The following BRIP1 variants were observed in gnomAD, a reference collection of about 807,000 sequenced individuals.
BRIP1 encodes the protein BRCA1 interacting DNA helicase 1.
BRIP1 carries 88 observed loss-of-function variants against 119.7 expected under a neutral mutation model. The observed-to-expected ratio is 0.74, with a 90% CI of 0.62 to 0.88. The LOEUF is 0.88. BRIP1 is among the 40% of genes least tolerant of loss of function. The pLI is 0.00. For synonymous variants in BRIP1, 443 were observed against 496.5 expected (o/e 0.89, Z 1.43); for missense variants, 1,259 against 1,455.4 (o/e 0.87, Z 2.20).
At position 61,855,336 on chromosome 17, in the gene BRIP1, G is replaced by C. The variant is rs80156789; in HGVS notation, c.379+1722C>G. Among the ~76,000 whole-genome samples the C allele has an allele frequency of 0.049, 7,447 of 152,216 alleles. 835 individuals are homozygous for C. In the East Asian group the frequency reaches 0.52, roughly 11 times the overall value. ...CTCACGCCTATAATCCCAGGACTCTGGGAGGCCGAGGCAGGTGAGTAACTT... is the reference window on the plus strand; with the variant it reads ...CTCACGCCTATAATCCCAGGACTCTCGGAGGCCGAGGCAGGTGAGTAACTT... On this transcript the variant is annotated intron_variant, in intron 4 of 19. Coordinates refer to ENST00000259008, the MANE Select transcript of BRIP1 (RefSeq NM_032043.3).
chr17:61,717,961 G>C lies in BRIP1; in HGVS notation c.2380-1898C>G, dbSNP rs888464400. ...TCCAGTGTATTTTTTGTTTCATATA[G>C]AGAGATTTCACATAGGTATTTAAAA... On this transcript the variant is annotated intron_variant, in intron 16 of 19. Transcript: ENST00000259008. The surrounding 1 kb of genome is among the most constrained non-coding windows in gnomAD (Gnocchi z 4.1). 6.6e-6 allele frequency among the ~76,000 whole-genome samples: 1 copy of C among 151,852 alleles called. No homozygotes were observed. Among genetic ancestry groups the C allele is most frequent in the Non-Finnish European group, 1.5e-5 (1 of 67,984 alleles).
chr17:61,786,723 T>G (rs2077713691), intron 10 of BRIP1, among the ~76,000 whole-genome samples: 1 of 141,006 alleles, frequency 7.1e-6, no homozygotes, highest in African/African-American at 2.6e-5. Flanking sequence ...TTTACCTTTT[T>G]AAAGTGAGTT....
rs2077197775 is a variant in BRIP1, at chr17:61,756,164, C to T, written c.2098-11573G>A. ...TCAGATAACAAAATATTTAGGTCTACAGCTTTTATATTCTCATTGCAGGTG... is the reference window on the plus strand; with the variant it reads ...TCAGATAACAAAATATTTAGGTCTATAGCTTTTATATTCTCATTGCAGGTG... On this transcript the variant is annotated intron_variant, in intron 14 of 19. Coordinates refer to ENST00000259008, the MANE Select transcript of BRIP1 (RefSeq NM_032043.3). The surrounding 1 kb of genome is among the most constrained non-coding windows in gnomAD (Gnocchi z 4.3). Among the ~76,000 whole-genome samples, 1 of 152,162 alleles carries T rather than the reference C, an allele frequency of 6.6e-6. No individual in the cohort carries two copies. The highest frequency in any genetic ancestry group is 1.5e-5 in the Non-Finnish European group (1 of 68,016).
intron 16 of BRIP1, among the ~76,000 whole-genome samples, chr17:61,737,019 G>A (rs2076927412): frequency 6.6e-6 from 1 of 151,988 alleles, no homozygotes; most frequent in Admixed American, 6.6e-5. Context: ...TATAAAAAGG[G>A]AGGAACAGAG....
In BRIP1 at chr17:61,767,099, C is replaced by G. The variant is rs1051677089; in HGVS notation, c.2097+9302G>C. Among the ~76,000 whole-genome samples the G allele has an allele frequency of 4.3e-4, 66 of 152,256 alleles. No homozygotes were observed. Among genetic ancestry groups the G allele is most frequent in the African/African-American group, 1.6e-3 (66 of 41,552 alleles). On this transcript the variant is annotated intron_variant, in intron 14 of 19. Coordinates refer to ENST00000259008, the MANE Select transcript of BRIP1 (RefSeq NM_032043.3). This position sits in a 1 kb window ranked among gnomAD's most constrained non-coding sequence, Gnocchi z 5.7. ...AAAAACTAGATGAACAACGTTCTCA[C>G]TCTTACCCTTAAACAAATGCTGCAG... is the stretch of plus-strand genomic sequence containing the variant.
chr17:61,785,388 A>C (rs982541117), intron 10 of BRIP1, among the ~76,000 whole-genome samples: 1 of 152,236 alleles, frequency 6.6e-6, no homozygotes, highest in Non-Finnish European at 1.5e-5. Context: ...ACATTGTAAA[A>C]GAGAAAATTC....
At chr17:61,712,350 A>T (rs1011550747) in intron 17 of BRIP1, among the ~76,000 whole-genome samples, 1 of 152,008 alleles carries the variant, frequency 6.6e-6, no homozygotes, top group African/African-American at 2.4e-5. Context: ...AGTAGCTGGG[A>T]CTACAGACAC....
In BRIP1 at chr17:61,745,773, A is replaced by G. The variant is rs1194151650; in HGVS notation, c.2098-1182T>C. Among the ~76,000 whole-genome samples, 8 of 151,960 alleles carry G rather than the reference A, an allele frequency of 5.3e-5. No individual in the cohort carries two copies. The highest frequency in any genetic ancestry group is 1.2e-4 in the Non-Finnish European group (8 of 68,036). On this transcript the variant is annotated intron_variant, in intron 14 of 19. Coordinates refer to ENST00000259008, the MANE Select transcript of BRIP1 (RefSeq NM_032043.3). This position sits in a 1 kb window ranked among gnomAD's most constrained non-coding sequence, Gnocchi z 4.4. Reference sequence around the variant, plus strand: ...AAGAAAAGCACTCACAATTCGAAACATGTGGCATACAGCAATGGCAATACA... The same window carrying G: ...AAGAAAAGCACTCACAATTCGAAACGTGTGGCATACAGCAATGGCAATACA...
Position 61,803,546 on chromosome 17 carries a change from C to CA in BRIP1, c.919-2073dup, listed in dbSNP as rs1383865470. Among the ~76,000 whole-genome samples the CA allele has an allele frequency of 1.7e-4, 25 of 151,328 alleles. No homozygotes were observed. The highest frequency in any genetic ancestry group is 2.4e-4 in the Non-Finnish European group (16 of 67,808). On this transcript the variant is annotated intron_variant, in intron 7 of 19. Coordinates refer to ENST00000259008, the MANE Select transcript of BRIP1 (RefSeq NM_032043.3). The surrounding 1 kb of genome is among the most constrained non-coding windows in gnomAD (Gnocchi z 4.3). ...GGGAGACTCAATCTCTACAAAAAAA[C>CA]AAAAAAAATTAAACCGCAGTGAGCA...
At position 61,680,480 on chromosome 17, in the gene BRIP1, C is replaced by CTTTTTTTTTTT. The variant is rs768910110; in HGVS notation, c.*2805_*2815dup. On this transcript the variant is annotated 3_prime_UTR_variant, in exon 20 of 20. Transcript: ENST00000259008. ...AGTTTACCAATTCTAAAGGTAATTT[C>CTTTTTTTTTTT]TTTTTTTTTTTTTTTTTGAGACGGA... is the stretch of plus-strand genomic sequence containing the variant. 8.1e-6 allele frequency among the ~76,000 whole-genome samples: 1 copy of CTTTTTTTTTTT among 124,094 alleles called. No individual in the cohort carries two copies. The highest frequency in any genetic ancestry group is 1.6e-5 in the Non-Finnish European group (1 of 61,636). The allele number at this position is 124,094 out of a possible 152,430, so 81.4% of individuals were successfully genotyped here. A position where few individuals can be genotyped will look rare whatever the true frequency, so the allele number is the denominator to read the frequency against.
chr17:61,721,471 A>T (rs1002046025), intron 16 of BRIP1, among the ~76,000 whole-genome samples: 12 of 150,410 alleles, frequency 8.0e-5, no homozygotes, highest in African/African-American at 2.9e-4. Flanking sequence ...AGGTTTCACC[A>T]TGTTGACCAG....
In BRIP1 at chr17:61,724,281, T is replaced by A. The variant is rs1226338653; in HGVS notation, c.2380-8218A>T. Among the ~76,000 whole-genome samples the A allele has an allele frequency of 6.6e-6, 1 of 152,058 alleles. No individual in the cohort carries two copies. The highest frequency in any genetic ancestry group is 2.4e-5 in the African/African-American group (1 of 41,426). On this transcript the variant is annotated intron_variant, in intron 16 of 19. Transcript: ENST00000259008. This position sits in a 1 kb window ranked among gnomAD's most constrained non-coding sequence, Gnocchi z 5.1. ...TGATTTTGGATTCTGATTTTTACCATTATATCATAATGTACTTGAGATTGA... is the reference window on the plus strand; with the variant it reads ...TGATTTTGGATTCTGATTTTTACCAATATATCATAATGTACTTGAGATTGA...
Position 61,706,356 on chromosome 17 carries a change from C to T in BRIP1, c.2492+9595G>A, listed in dbSNP as rs1388005118. The stretch of plus-strand genomic sequence containing the variant: ...TTTTTTAGACTACTAAATATGCTTA[C>T]TTCATCTTTTCTAGGACTGAAACGC... On this transcript the variant is annotated intron_variant, in intron 17 of 19. Coordinates refer to ENST00000259008, the MANE Select transcript of BRIP1 (RefSeq NM_032043.3). The surrounding 1 kb of genome is among the most constrained non-coding windows in gnomAD (Gnocchi z 5.7). Among the ~76,000 whole-genome samples the T allele has an allele frequency of 6.6e-6, 1 of 152,114 alleles. No individual in the cohort carries two copies. The highest frequency in any genetic ancestry group is 1.9e-4 in the East Asian group (1 of 5,196).
At chr17:61,818,945 G>A (rs79217044) in intron 6 of BRIP1, among the ~76,000 whole-genome samples, 64 of 152,026 alleles carry the variant, frequency 4.2e-4, no homozygotes, top group African/African-American at 1.5e-3. Flanking sequence ...CAGCACTTTG[G>A]GAGGCCGAGG....
chr17:61,727,114 C>A (rs2076775752), intron 16 of BRIP1, among the ~76,000 whole-genome samples: 1 of 152,116 alleles, frequency 6.6e-6, no homozygotes, highest in Admixed American at 6.6e-5. Context: ...GTGACAGAGA[C>A]CTACTTCTAC....
At position 61,861,389 on chromosome 17, in the gene BRIP1, T is replaced by A; in HGVS notation, c.93+58A>T. 3 of 1,136,884 alleles carry A rather than the reference T, an allele frequency of 2.6e-6. No homozygotes were observed. The South Asian group carries it at 3.7e-5, about 14-fold the overall frequency. The allele number at this position is 1,136,884 out of a possible 1,614,324, so 70.4% of individuals were successfully genotyped here. A position where few individuals can be genotyped will look rare whatever the true frequency, so the allele number is the denominator to read the frequency against. ...GAATGCAGTCAAATACTCAATGTAC[T>A]TTATGGGTCATAAGTATCTATATCT... On this transcript the variant is annotated intron_variant, in intron 2 of 19. Coordinates refer to ENST00000259008, the MANE Select transcript of BRIP1 (RefSeq NM_032043.3). The surrounding 1 kb of genome is among the most constrained non-coding windows in gnomAD (Gnocchi z 4.5).
rs2078151425 is a variant in BRIP1 at position 61,810,909 on chromosome 17, T to C, written c.628-2152A>G. On this transcript the variant is annotated intron_variant, in intron 6 of 19. Coordinates refer to ENST00000259008, the MANE Select transcript of BRIP1 (RefSeq NM_032043.3). The surrounding 1 kb of genome is among the most constrained non-coding windows in gnomAD (Gnocchi z 4.7). Reference sequence around the variant, plus strand: ...CTAGATACTTTGTTTTCAAAGTTTTTAATTTTTAAAAGGGGTGAATTTGGC... The same window carrying C: ...CTAGATACTTTGTTTTCAAAGTTTTCAATTTTTAAAAGGGGTGAATTTGGC... Among the ~76,000 whole-genome samples, 1 of 152,226 alleles carries C rather than the reference T, an allele frequency of 6.6e-6. No homozygotes were observed. Among genetic ancestry groups the C allele is most frequent in the African/African-American group, 2.4e-5 (1 of 41,452 alleles).
In BRIP1 at chr17:61,706,982, A is replaced by G. The variant is rs1046043768; in HGVS notation, c.2492+8969T>C. Among the ~76,000 whole-genome samples the G allele has an allele frequency of 6.6e-6, 1 of 152,034 alleles. No individual in the cohort carries two copies. ...TGTTTTAGGAATTATCTTTGCCTCT[A>G]TTCTGGATTGGAACCCTAGTTCCCT... On this transcript the variant is annotated intron_variant, in intron 17 of 19. Transcript: ENST00000259008. The surrounding 1 kb of genome is among the most constrained non-coding windows in gnomAD (Gnocchi z 5.7).
chr17:61,688,988 A>C (rs1217490617), intron 18 of BRIP1, among the ~76,000 whole-genome samples: 1 of 124,816 alleles, frequency 8.0e-6, no homozygotes, highest in Admixed American at 8.1e-5. Context: ...GAATCAGGAA[A>C]TTTATTTTAT....
Sources: allele counts gnomAD v4.1 joint callset (sites outside exome capture counted in the v4.1 genomes callset), GRCh38; gene constraint gnomAD v4.1.1; non-coding constraint Gnocchi (gnomAD v3.1); transcripts MANE v1.5; gene names NCBI Gene and HGNC (gene_info 2026-07-23, HGNC 2026-07-21).